NTM: variants seen among roughly 807,000 people sequenced by gnomAD.
NTM encodes neurotrimin.
A neutral mutation model predicts 42.1 loss-of-function variants in NTM; 13 were observed. That is an observed-to-expected ratio of 0.31 (90% CI 0.20 to 0.49). NTM has a LOEUF of 0.49. Ranked by LOEUF, NTM falls within the 20% of genes least tolerant of loss-of-function variation. The pLI is 0.99. For synonymous variants in NTM, 187 were observed against 179.2 expected, an observed-to-expected ratio of 1.04 and a Z score of -0.35; for missense variants, 373 against 452.8, an observed-to-expected ratio of 0.82 and a Z score of 1.60.
At chr11:131,940,247 C>T (rs2059652504) in intron 2 of NTM, among the ~76,000 whole-genome samples, 1 of 152,170 alleles carries the variant, frequency 6.6e-6, no homozygotes, top group Non-Finnish European at 1.5e-5. Flanking sequence ...TGATCTAATG[C>T]AAAGCACCAC....
chr11:131,744,890 C>T (rs920299954), intron 1 of NTM, among the ~76,000 whole-genome samples: 8 of 152,310 alleles, frequency 5.3e-5, no homozygotes, highest in Non-Finnish European at 1.2e-4. Context: ...ACATCTGAAT[C>T]GCTGGATACC....
chr11:131,584,681 A>T (rs1015771138), intron 1 of NTM, among the ~76,000 whole-genome samples: 1 of 152,282 alleles, frequency 6.6e-6, no homozygotes, highest in Non-Finnish European at 1.5e-5. Flanking sequence ...GGTTTCGGCA[A>T]GATGCCCAAG....
chr11:132,049,162 A>G (rs2078478501), intron 2 of NTM, among the ~76,000 whole-genome samples: 1 of 152,160 alleles, frequency 6.6e-6, no homozygotes, highest in Non-Finnish European at 1.5e-5. Flanking sequence ...AAGAAACAAA[A>G]GAGGAAATCA....
chr11:131,723,458 C>T (rs527363746), intron 1 of NTM, among the ~76,000 whole-genome samples: 3 of 152,314 alleles, frequency 2.0e-5, no homozygotes, highest in Non-Finnish European at 2.9e-5. Context: ...ATGTTAAACA[C>T]GTAGCAAATA....
rs563540374 is a variant in NTM, at chr11:131,880,185, G to A, written c.83-31379G>A. Among the ~76,000 whole-genome samples, 6 of 152,184 alleles carry A rather than the reference G, an allele frequency of 3.9e-5. No individual in the cohort carries two copies. The South Asian group carries it at 8.3e-4, about 21-fold the overall frequency. On this transcript the variant is annotated intron_variant, in intron 1 of 8. Coordinates refer to ENST00000683400, the MANE Select transcript of NTM (RefSeq NM_001352005.2). ...TAAGTCATAAAACTCTCAATAAATC[G>A]AACCAAGAAGACTAGTTTTGAGATT...
intron 2 of NTM, among the ~76,000 whole-genome samples, chr11:132,012,658 A>T (rs1454069173): frequency 6.6e-6 from 1 of 152,214 alleles, no homozygotes; most frequent in Non-Finnish European, 1.5e-5. Context: ...TTATTTCTTA[A>T]TTCCTCTTCT....
At chr11:132,019,615 A>T (rs2135507875) in intron 2 of NTM, among the ~76,000 whole-genome samples, 1 of 152,056 alleles carries the variant, frequency 6.6e-6, no homozygotes, top group African/African-American at 2.4e-5. Flanking sequence ...TTTTTCTGGT[A>T]TTAAAAAAAT....
intron 1 of NTM, among the ~76,000 whole-genome samples, chr11:131,700,035 A>C (rs1231793143): frequency 1.3e-5 from 2 of 151,944 alleles, no homozygotes; most frequent in Non-Finnish European, 2.9e-5. Flanking sequence ...TAACACATTT[A>C]GCTGGAAGCT....
chr11:132,159,761 G>A (rs1183028095), intron 3 of NTM, among the ~76,000 whole-genome samples: 1 of 152,214 alleles, frequency 6.6e-6, no homozygotes, highest in Non-Finnish European at 1.5e-5. Context: ...CACCGAACCT[G>A]AAGAGCCTAG....
chr11:132,183,604 T>A (rs997326799), intron 3 of NTM, among the ~76,000 whole-genome samples: 17 of 151,860 alleles, frequency 1.1e-4, no homozygotes, highest in African/African-American at 4.1e-4. Context: ...CTACTCCCTT[T>A]GACAACACAA....
intron 4 of NTM, among the ~76,000 whole-genome samples, chr11:132,288,185 C>T (rs538816812): frequency 6.6e-6 from 1 of 152,250 alleles, no homozygotes; most frequent in South Asian, 2.1e-4. Context: ...CCACATCGTG[C>T]AGAATATGAT....
chr11:132,031,914 G>A (rs376670568), intron 2 of NTM, among the ~76,000 whole-genome samples: 2 of 151,868 alleles, frequency 1.3e-5, no homozygotes, highest in African/African-American at 4.8e-5. Context: ...ATGCTCAAAG[G>A]CCCTCCCACT....
At chr11:131,750,837 G>A (rs900137944) in intron 1 of NTM, among the ~76,000 whole-genome samples, 16 of 152,066 alleles carry the variant, frequency 1.1e-4, no homozygotes, top group East Asian at 1.9e-4. Context: ...AATCCTAAGC[G>A]CTTCCCAGGC....
chr11:132,322,335 T>A (rs887461399), intron 7 of NTM, among the ~76,000 whole-genome samples: 2 of 150,824 alleles, frequency 1.3e-5, no homozygotes, highest in Non-Finnish European at 3.0e-5. Flanking sequence ...TGGAGGAAGA[T>A]CTACCAAGCA....
At chr11:131,432,839 C>CCTTTTTTTTTTTTTTTTTTTTTTTT (rs1565494793) in intron 1 of NTM, among the ~76,000 whole-genome samples, 8 of 68,694 alleles carry the variant, frequency 1.2e-4, no homozygotes, top group Non-Finnish European at 2.1e-4. Context: ...ATTTAGCATT[C>CCTTTTTTTTTTTTTTTTTTTTTTTT]TTTTTTTTTT....
intron 1 of NTM, among the ~76,000 whole-genome samples, chr11:131,890,873 AG>A (rs1332815180): frequency 4.6e-5 from 7 of 152,164 alleles, no homozygotes; most frequent in African/African-American, 1.4e-4. Flanking sequence ...GTGGGATGGC[AG>A]GTCTAGGGGA....
At chr11:132,255,951 A>G (rs2092435833) in intron 4 of NTM, among the ~76,000 whole-genome samples, 1 of 152,126 alleles carries the variant, frequency 6.6e-6, no homozygotes, top group Non-Finnish European at 1.5e-5. Context: ...GCTGCAAAAC[A>G]TCAGAACCAA....
At chr11:132,053,679 C>G (rs1051996145) in intron 2 of NTM, among the ~76,000 whole-genome samples, 1 of 152,204 alleles carries the variant, frequency 6.6e-6, no homozygotes, top group Admixed American at 6.5e-5. Context: ...AAATAAATTT[C>G]TTGCAAAATT....
At chr11:131,644,229 A>C (rs927215828) in intron 1 of NTM, among the ~76,000 whole-genome samples, 2 of 152,172 alleles carry the variant, frequency 1.3e-5, no homozygotes, top group African/African-American at 4.8e-5. Context: ...AGGGAGGTTG[A>C]AGATGCTCAG....
Sources: gnomAD v4.1 joint callset for allele counts (sites outside exome capture counted in the v4.1 genomes callset) on GRCh38, gnomAD v4.1.1 for gene constraint, MANE v1.5 for transcripts, NCBI Gene and HGNC (gene_info 2026-07-23, HGNC 2026-07-21) for gene names.